Variants in CERKL observed in about 807,000 individuals in gnomAD.
CERKL encodes the protein ceramide kinase-like protein.
CERKL carries 61 observed loss-of-function variants against 63.4 expected under a neutral mutation model. That is an observed-to-expected ratio of 0.96 (90% CI 0.78 to 1.19). The LOEUF is 1.19. Ranked by LOEUF, CERKL falls within the 50% of genes most tolerant of loss-of-function variation. CERKL has a pLI of 0.00. For synonymous variants in CERKL, 250 were observed against 230.5 expected, an observed-to-expected ratio of 1.08 and a Z score of -0.77; for missense variants, 675 against 655.5, an observed-to-expected ratio of 1.03 and a Z score of -0.33.
At chr2:181,656,723 G>C in intron 1 of CERKL, 46 bp downstream of exon 1, 1 of 1,491,864 alleles carries the variant, frequency 6.7e-7, no homozygotes, top group Middle Eastern at 2.4e-4. Flanking sequence ...CGGGGAGAGG[G>C]AGGAAGCGCG....
At chr2:181,546,636 G>A (rs1157417705) in intron 10 of CERKL, among the ~76,000 whole-genome samples, 2 of 151,896 alleles carry the variant, frequency 1.3e-5, no homozygotes, top group Non-Finnish European at 1.5e-5. Context: ...CAACACTCAC[G>A]ATCCTTTCTC....
At chr2:181,642,996 G>A (rs6709122) in intron 1 of CERKL, among the ~76,000 whole-genome samples, 1 of 151,978 alleles carries the variant, frequency 6.6e-6, no homozygotes, top group Non-Finnish European at 1.5e-5. Flanking sequence ...AGCTGAGTAA[G>A]GCGAGCAAAG....
intron 1 of CERKL, among the ~76,000 whole-genome samples, chr2:181,613,608 T>C (rs553193038): frequency 1.3e-5 from 2 of 152,256 alleles, no homozygotes; most frequent in Non-Finnish European, 2.9e-5. Context: ...TTAGAAGAAA[T>C]TAAAAAGAAA....
At chr2:181,620,447 T>C (rs1686398327) in intron 1 of CERKL, among the ~76,000 whole-genome samples, 1 of 152,300 alleles carries the variant, frequency 6.6e-6, no homozygotes, top group South Asian at 2.1e-4. Flanking sequence ...GTCTGACTTT[T>C]ATACCATGCC....
intron 1 of CERKL, among the ~76,000 whole-genome samples, chr2:181,653,307 G>C (rs1688015910): frequency 1.3e-5 from 2 of 152,190 alleles, no homozygotes; most frequent in African/African-American, 4.8e-5. Flanking sequence ...CACACCGGTG[G>C]TATGATTGTA....
chr2:181,608,931 TA>T (rs111926060), intron 1 of CERKL, among the ~76,000 whole-genome samples: 36 of 152,056 alleles, frequency 2.4e-4, no homozygotes, highest in African/African-American at 8.7e-4. Flanking sequence ...ATAATGGAGA[TA>T]AAAAAAATTC....
chr2:181,614,621 T>A (rs969882711), intron 1 of CERKL, among the ~76,000 whole-genome samples: 2 of 152,244 alleles, frequency 1.3e-5, no homozygotes, highest in African/African-American at 4.8e-5. Context: ...ATAACTACTC[T>A]GATTCCCATG....
intron 1 of CERKL, among the ~76,000 whole-genome samples, chr2:181,622,638 T>C (rs1293884038): frequency 1.3e-5 from 2 of 152,184 alleles, no homozygotes; most frequent in South Asian, 2.1e-4. Context: ...ACAAAAATGA[T>C]TGAAGGATTT....
intron 1 of CERKL, among the ~76,000 whole-genome samples, chr2:181,616,252 C>CA (rs1451775932): frequency 7.6e-6 from 1 of 132,382 alleles, no homozygotes; most frequent in Non-Finnish European, 1.5e-5. Context: ...CTCACTCTGT[C>CA]ACCCAGGCTG....
intron 1 of CERKL, among the ~76,000 whole-genome samples, chr2:181,605,395 C>T (rs537792108): frequency 1.3e-5 from 2 of 152,228 alleles, no homozygotes; most frequent in South Asian, 4.2e-4. Flanking sequence ...ATGTACAAAG[C>T]CAGATAAGAA....
chr2:181,583,601 C>T (rs960622824), intron 2 of CERKL, among the ~76,000 whole-genome samples: 2 of 152,172 alleles, frequency 1.3e-5, no homozygotes, highest in Non-Finnish European at 2.9e-5. Context: ...GTATGGTCTT[C>T]AGAATGAAAG....
chr2:181,621,739 T>C (rs1040375463), intron 1 of CERKL, among the ~76,000 whole-genome samples: 2 of 152,220 alleles, frequency 1.3e-5, no homozygotes, highest in Non-Finnish European at 2.9e-5. Context: ...GTATTTTATA[T>C]ACTTAGGTAC....
chr2:181,540,783 G>A (rs1043564093), intron 11 of CERKL, among the ~76,000 whole-genome samples: 23 of 152,292 alleles, frequency 1.5e-4, no homozygotes, highest in South Asian at 4.1e-4. Flanking sequence ...TTTGGGGCAC[G>A]GGGAGGAGAA....
chr2:181,585,768 C>T (rs541689801), intron 2 of CERKL, among the ~76,000 whole-genome samples: 1 of 152,276 alleles, frequency 6.6e-6, no homozygotes, highest in Admixed American at 6.5e-5. Flanking sequence ...TAAACACCGA[C>T]CCTTTTGCTC....
intron 5 of CERKL, among the ~76,000 whole-genome samples, chr2:181,554,655 C>T (rs1364012273): frequency 6.6e-6 from 1 of 152,136 alleles, no homozygotes; most frequent in Non-Finnish European, 1.5e-5. Context: ...AGTTCAAATA[C>T]AGGCTTCTCC....
intron 4 of CERKL, among the ~76,000 whole-genome samples, 158 bp downstream of exon 4, chr2:181,565,900 T>C (rs917290370): frequency 6.6e-6 from 1 of 152,190 alleles, no homozygotes; most frequent in Non-Finnish European, 1.5e-5. Context: ...CATGTCATAT[T>C]ATCATTAATT....
At chr2:181,596,117 T>C (rs1171123621) in intron 2 of CERKL, among the ~76,000 whole-genome samples, 1 of 152,220 alleles carries the variant, frequency 6.6e-6, no homozygotes, top group African/African-American at 2.4e-5. Context: ...AAATTGTTTC[T>C]CCGAAGAAGT....
chr2:181,537,853 C>A lies in CERKL; in HGVS notation c.*331G>T, dbSNP rs143931358. On this transcript the variant is annotated 3_prime_UTR_variant, in exon 13 of 13. Coordinates refer to ENST00000410087, the MANE Select transcript of CERKL (RefSeq NM_201548.5). ...TAACATCAATTTCTATTAGGATATC[C>A]GTTTGGCCACACAGCAGGAGGTTAG... 3 of 506,674 alleles carry A rather than the reference C, an allele frequency of 5.9e-6. No homozygotes were observed. Among genetic ancestry groups the A allele is most frequent in the East Asian group, 5.3e-5 (1 of 18,802 alleles). 31.4% of individuals were successfully genotyped at this position (506,674 alleles called of 1,614,324 possible). A position where few individuals can be genotyped will look rare whatever the true frequency, so the allele number is the denominator to read the frequency against.
rs535182439 is a variant in CERKL, at chr2:181,538,129, C to T, written c.*55G>A. 135 of 1,235,562 alleles carry T rather than the reference C, an allele frequency of 1.1e-4. No homozygotes were observed. The highest frequency in any genetic ancestry group is 1.5e-4 in the Non-Finnish European group (124 of 842,456). The allele number at this position is 1,235,562 out of a possible 1,614,324, so 76.5% of individuals were successfully genotyped here. A position where few individuals can be genotyped will look rare whatever the true frequency, so the allele number is the denominator to read the frequency against. ...GGACCACAGGTTTAAAGCATGGCCA[C>T]ATTTCTTTATATTAAAATTCTAGTT... On this transcript the variant is annotated 3_prime_UTR_variant, in exon 13 of 13. Transcript: ENST00000410087.
Sources: allele counts gnomAD v4.1 joint callset (sites outside exome capture counted in the v4.1 genomes callset), GRCh38; gene constraint gnomAD v4.1.1; transcripts MANE v1.5; gene names NCBI Gene and HGNC (gene_info 2026-07-23, HGNC 2026-07-21).